KLHL1: variants seen among roughly 807,000 people sequenced by gnomAD.
KLHL1 encodes kelch-like protein 1.
A neutral mutation model predicts 77.7 loss-of-function variants in KLHL1; 47 were observed. The observed-to-expected ratio is 0.60, with a 90% CI of 0.48 to 0.77. The LOEUF is 0.77. Ranked by LOEUF, KLHL1 falls within the 30% of genes least tolerant of loss-of-function variation. The probability of loss-of-function intolerance (pLI) is 0.00; values close to 1 mark genes in which losing one functional copy is unlikely to be tolerated. For missense variants in KLHL1, 925 were observed against 910.8 expected (o/e 1.02, Z -0.20); for synonymous variants, 360 against 325.2 (o/e 1.11, Z -1.15).
intron 7 of KLHL1, among the ~76,000 whole-genome samples, chr13:69,790,870 G>A (rs1183525108): frequency 1.3e-5 from 2 of 151,762 alleles, no homozygotes; most frequent in East Asian, 1.9e-4. Context: ...GTCAACATGG[G>A]GAAATCCCAT....
At chr13:70,032,218 C>T (rs185133574) in intron 1 of KLHL1, among the ~76,000 whole-genome samples, 57 of 152,158 alleles carry the variant, frequency 3.7e-4, no homozygotes, top group African/African-American at 1.3e-3. Context: ...GGAGCAAGGA[C>T]GTAAAAAGAC....
chr13:69,765,332 T>C (rs1291071342), intron 7 of KLHL1, among the ~76,000 whole-genome samples: 1 of 152,166 alleles, frequency 6.6e-6, no homozygotes, highest in Non-Finnish European at 1.5e-5. Context: ...GAAACACATA[T>C]TGATGTAAAA....
intron 4 of KLHL1, among the ~76,000 whole-genome samples, chr13:69,932,026 A>T (rs767355731): frequency 2.0e-5 from 3 of 151,740 alleles, no homozygotes; most frequent in Non-Finnish European, 3.0e-5. Flanking sequence ...CATATTTAAG[A>T]TTATGATATC....
intron 4 of KLHL1, among the ~76,000 whole-genome samples, chr13:69,933,840 G>T (rs1883085121): frequency 6.6e-6 from 1 of 151,902 alleles, no homozygotes; most frequent in Non-Finnish European, 1.5e-5. Context: ...AAGTTCTTTG[G>T]TCTTATTTCT....
intron 7 of KLHL1, among the ~76,000 whole-genome samples, chr13:69,767,200 C>A (rs1199918407): frequency 6.6e-6 from 1 of 151,736 alleles, no homozygotes; most frequent in Non-Finnish European, 1.5e-5. Context: ...TTGTTTCAGG[C>A]CAAACTAGAA....
At chr13:70,065,475 G>A (rs1886985660) in intron 1 of KLHL1, among the ~76,000 whole-genome samples, 1 of 152,128 alleles carries the variant, frequency 6.6e-6, no homozygotes. Context: ...AACAGTGGAA[G>A]GCTGAATAAA....
chr13:69,907,103 T>G (rs1052095179), intron 4 of KLHL1, among the ~76,000 whole-genome samples: 1 of 152,064 alleles, frequency 6.6e-6, no homozygotes, highest in African/African-American at 2.4e-5. Flanking sequence ...CCTTAATCCC[T>G]ACTTCACTTA....
At chr13:69,856,638 C>T (rs962903988) in intron 5 of KLHL1, among the ~76,000 whole-genome samples, 15 of 152,048 alleles carry the variant, frequency 9.9e-5, no homozygotes, top group African/African-American at 3.4e-4. Context: ...AAACTTTTAT[C>T]TGCAATCACC....
intron 8 of KLHL1, among the ~76,000 whole-genome samples, chr13:69,720,313 TC>T (rs910252533): frequency 3.3e-5 from 5 of 152,098 alleles, no homozygotes; most frequent in African/African-American, 1.2e-4. Flanking sequence ...AAATAGTCCT[TC>T]CCCATTTAAT....
chr13:69,765,331 A>G (rs969017973), intron 7 of KLHL1, among the ~76,000 whole-genome samples: 1 of 152,100 alleles, frequency 6.6e-6, no homozygotes, highest in African/African-American at 2.4e-5. Flanking sequence ...TGAAACACAT[A>G]TTGATGTAAA....
intron 1 of KLHL1, among the ~76,000 whole-genome samples, chr13:70,038,581 A>ATTT (rs55885952): frequency 0.39 from 28,621 of 72,768 alleles, 6,264 homozygotes; most frequent in South Asian, 0.56. Context: ...ATTGTCATTA[A>ATTT]TTTTTTTTTT....
At chr13:70,094,634 G>C (rs1019341775) in intron 1 of KLHL1, among the ~76,000 whole-genome samples, 1 of 152,060 alleles carries the variant, frequency 6.6e-6, no homozygotes, top group African/African-American at 2.4e-5. Context: ...AAAGCAAGAG[G>C]AGCCATTTTA....
At chr13:70,093,622 AG>A (rs956129878) in intron 1 of KLHL1, among the ~76,000 whole-genome samples, 6 of 152,154 alleles carry the variant, frequency 3.9e-5, no homozygotes, top group Admixed American at 2.6e-4. Context: ...ATTGTGTATA[AG>A]GGGGGATATT....
chr13:69,707,645 G>T lies in KLHL1; in HGVS notation c.2167C>A (p.Gln723Lys). 1 of 1,611,506 alleles carries T rather than the reference G, an allele frequency of 6.2e-7. No individual in the cohort carries two copies. Among genetic ancestry groups the T allele is most frequent in the Non-Finnish European group, 8.5e-7 (1 of 1,178,480 alleles). The change falls in exon 10 of 11, where the codon CAA becomes AAA. Residue 723 changes from glutamine (Q) to lysine (K), a missense_variant. Physicochemically the swap from Gln to Lys is moderately conservative, Grantham distance 53. Coordinates refer to ENST00000377844, the MANE Select transcript of KLHL1 (RefSeq NM_020866.3). ...YLNTMESYDP[Q>K]TNEWTQMASL... ...CTTACCTGTGTCCACTCATTAGTTT[G>T]TGGGTCATAGGATTCCATAGTGTTG...
At chr13:69,787,460 T>G (rs1405719344) in intron 7 of KLHL1, among the ~76,000 whole-genome samples, 1 of 152,168 alleles carries the variant, frequency 6.6e-6, no homozygotes, top group African/African-American at 2.4e-5. Flanking sequence ...TAGCCATATG[T>G]AGAAAGCTGA....
chr13:69,926,181 T>C (rs1882807440), intron 4 of KLHL1, among the ~76,000 whole-genome samples: 1 of 152,204 alleles, frequency 6.6e-6, no homozygotes, highest in African/African-American at 2.4e-5. Context: ...TCAAACATCC[T>C]GCAACATGTG....
intron 2 of KLHL1, among the ~76,000 whole-genome samples, chr13:69,965,361 C>T (rs569626439): frequency 6.6e-6 from 1 of 152,236 alleles, no homozygotes; most frequent in East Asian, 1.9e-4. Context: ...GAGCAGTGAT[C>T]TTTGATGTTA....
intron 6 of KLHL1, among the ~76,000 whole-genome samples, chr13:69,831,499 C>G (rs759489256): frequency 6.7e-6 from 1 of 149,760 alleles, no homozygotes; most frequent in Non-Finnish European, 1.5e-5. Context: ...AGTGGATTCA[C>G]AGCTGAATTA....
intron 3 of KLHL1, among the ~76,000 whole-genome samples, chr13:69,952,907 T>C (rs1383378498): frequency 6.6e-6 from 1 of 151,358 alleles, no homozygotes; most frequent in South Asian, 2.1e-4. Context: ...CAGCAAATCA[T>C]ATCATCTCTA....
Sources: allele counts gnomAD v4.1 joint callset (sites outside exome capture counted in the v4.1 genomes callset), GRCh38; gene constraint gnomAD v4.1.1; transcripts MANE v1.5; gene names NCBI Gene and HGNC (gene_info 2026-07-23, HGNC 2026-07-21).